The following CALN1 variants were observed in gnomAD, a reference collection of about 807,000 sequenced individuals.
The protein encoded by CALN1 is calcium-binding protein 8.
Under a neutral mutation model 30.6 loss-of-function variants are expected in CALN1, and 17 were observed. The ratio of observed to expected loss-of-function variants is 0.56; its 90% CI spans 0.38 to 0.83. The LOEUF is 0.83. CALN1 is among the 40% of genes least tolerant of loss of function. The pLI, the probability that CALN1 is intolerant of heterozygous loss-of-function variation, is 0.00. For synonymous variants in CALN1, 156 were observed against 131.4 expected (o/e 1.19, Z -1.28); for missense variants, 291 against 354.9 (o/e 0.82, Z 1.45).
intron 4 of CALN1, among the ~76,000 whole-genome samples, chr7:72,031,969 C>A (rs1021572005): frequency 6.6e-6 from 1 of 151,084 alleles, no homozygotes; most frequent in Non-Finnish European, 1.5e-5. Flanking sequence ...TCTCAAACTC[C>A]TGACTTCAGG....
At chr7:72,407,467 TGA>T (rs1806780614) in intron 1 of CALN1, among the ~76,000 whole-genome samples, 1 of 152,184 alleles carries the variant, frequency 6.6e-6, no homozygotes, top group Non-Finnish European at 1.5e-5. Flanking sequence ...GCTGTTCTTG[TGA>T]TACAGTTCTC....
intron 4 of CALN1, among the ~76,000 whole-genome samples, chr7:72,041,790 A>T (rs1437924202): frequency 6.6e-6 from 1 of 152,126 alleles, no homozygotes; most frequent in Non-Finnish European, 1.5e-5. Context: ...GCTGTTCTCA[A>T]AACAGTGAAT....
chr7:71,975,124 ACTC>A (rs1298306597), intron 5 of CALN1, among the ~76,000 whole-genome samples: 1 of 151,898 alleles, frequency 6.6e-6, no homozygotes, highest in African/African-American at 2.4e-5. Flanking sequence ...AGGGACAGAT[ACTC>A]TTCTCTGGGC....
chr7:72,242,940 C>T (rs1794933247), intron 3 of CALN1, among the ~76,000 whole-genome samples: 2 of 151,948 alleles, frequency 1.3e-5, no homozygotes, highest in Admixed American at 1.3e-4. Flanking sequence ...TAATTATTGC[C>T]AGAAAAATAA....
At chr7:71,832,899 C>T (rs964244997) in intron 5 of CALN1, among the ~76,000 whole-genome samples, 1 of 152,156 alleles carries the variant, frequency 6.6e-6, no homozygotes, top group Non-Finnish European at 1.5e-5. Flanking sequence ...AGCCGCCATG[C>T]TCGCCCACTT....
intron 1 of CALN1, among the ~76,000 whole-genome samples, chr7:72,404,087 T>C (rs1806535365): frequency 6.6e-6 from 1 of 152,224 alleles, no homozygotes; most frequent in Admixed American, 6.5e-5. Context: ...TACCTCTCTC[T>C]GGTATCGTTA....
chr7:72,421,783 T>C (rs894797426), intron 1 of CALN1, among the ~76,000 whole-genome samples: 49 of 151,900 alleles, frequency 3.2e-4, no homozygotes, highest in African/African-American at 1.1e-3. Flanking sequence ...AGAGACAGGG[T>C]TTCACCATGT....
intron 5 of CALN1, among the ~76,000 whole-genome samples, chr7:71,853,566 A>T (rs1461924376): frequency 6.6e-6 from 1 of 151,490 alleles, no homozygotes; most frequent in African/African-American, 2.4e-5. Flanking sequence ...ATCTTCTGTC[A>T]TTCTGAAATT....
intron 5 of CALN1, among the ~76,000 whole-genome samples, chr7:71,937,059 A>C (rs1192164837): frequency 6.6e-6 from 1 of 152,192 alleles, no homozygotes; most frequent in Non-Finnish European, 1.5e-5. Flanking sequence ...TATCCACAGC[A>C]TGAAAATGGA....
At chr7:72,115,484 C>CTTTTTTTTTTTTTTTTTTTTTTTTTTTTT (rs71069026) in intron 3 of CALN1, among the ~76,000 whole-genome samples, 1 of 80,598 alleles carries the variant, frequency 1.2e-5, no homozygotes, top group Non-Finnish European at 2.1e-5. Context: ...CATATACATT[C>CTTTTTTTTTTTTTTTTTTTTTTTTTTTTT]TTTTTTTTTT....
intron 2 of CALN1, among the ~76,000 whole-genome samples, chr7:72,311,392 G>A (rs569092368): frequency 5.9e-4 from 90 of 152,280 alleles, no homozygotes; most frequent in African/African-American, 2.0e-3. Context: ...TTTGGGGGGA[G>A]TCAAAAGTTA....
chr7:71,796,724 C>G (rs568382711), intron 6 of CALN1, among the ~76,000 whole-genome samples: 26 of 152,286 alleles, frequency 1.7e-4, no homozygotes, highest in African/African-American at 6.3e-4. Flanking sequence ...TGCTGGTGAT[C>G]TTTTCTATCT....
intron 2 of CALN1, among the ~76,000 whole-genome samples, chr7:72,377,474 T>TGTG (rs71517330): frequency 1.3e-5 from 2 of 150,558 alleles, no homozygotes; most frequent in African/African-American, 2.4e-5. Flanking sequence ...TGTGTGTGTG[T>TGTG]TTGCATGTAT....
chr7:72,248,287 G>T (rs1307363079), intron 3 of CALN1, among the ~76,000 whole-genome samples: 4 of 152,072 alleles, frequency 2.6e-5, no homozygotes, highest in Admixed American at 2.6e-4. Flanking sequence ...GCTAATTTTT[G>T]TATTTTTAGT....
At position 72,278,745 on chromosome 7, in the gene CALN1, G is replaced by A. The variant is rs764308374; in HGVS notation, c.185C>T (p.Ser62Leu). 1.3e-5 allele frequency: 21 copies of A among 1,614,092 alleles called. No homozygotes were observed. Among genetic ancestry groups the A allele is most frequent in the Non-Finnish European group, 1.7e-5 (20 of 1,179,988 alleles). ...TTCGCTGTCACTGCCAGCAGAGAGC[G>A]ATCGGTTGAGGTAATTCCCCTTGTA... ...LLYKGNYLNR[S>L]LSAGSDSEQL... is the part of the protein sequence containing the mutation. The change falls in exon 3 of 7, where the codon TCG (serine) becomes TTG (leucine). Residue 62 changes from serine to leucine, a missense_variant. Around this residue, in one of 2 missense-constraint regions of CALN1, gnomAD observed 122 missense variants for 103.2 expected, o/e 1.18. Transcript: ENST00000395275.
chr7:72,062,884 C>A (rs1189101926), intron 4 of CALN1, among the ~76,000 whole-genome samples: 2 of 152,098 alleles, frequency 1.3e-5, no homozygotes. Context: ...CAAATTCTAC[C>A]AAAACATTTA....
intron 2 of CALN1, among the ~76,000 whole-genome samples, chr7:72,382,552 T>A (rs1804965473): frequency 6.6e-6 from 1 of 152,214 alleles, no homozygotes; most frequent in Non-Finnish European, 1.5e-5. Context: ...TACAATTTTA[T>A]CCATCACCCA....
chr7:71,967,393 A>C (rs1797577883), intron 5 of CALN1, among the ~76,000 whole-genome samples: 1 of 152,068 alleles, frequency 6.6e-6, no homozygotes, highest in African/African-American at 2.4e-5. Context: ...GGCTTTGGGA[A>C]ACCAAGTCAG....
At chr7:72,132,419 C>T (rs1474069462) in intron 3 of CALN1, among the ~76,000 whole-genome samples, 2 of 152,148 alleles carry the variant, frequency 1.3e-5, no homozygotes, top group Admixed American at 6.5e-5. Context: ...GTGTGTGTCG[C>T]TCTCACACCA....
Sources: allele counts gnomAD v4.1 joint callset (sites outside exome capture counted in the v4.1 genomes callset), GRCh38; gene constraint gnomAD v4.1.1; regional missense constraint gnomAD v4.1.1; transcripts MANE v1.5; gene names NCBI Gene and HGNC (gene_info 2026-07-23, HGNC 2026-07-21).